Variants in DCC observed in about 807,000 individuals in gnomAD.
The protein encoded by DCC is netrin receptor DCC.
Under a neutral mutation model 172.5 loss-of-function variants are expected in DCC, and 58 were observed. That is an observed-to-expected ratio of 0.34 (90% CI 0.27 to 0.42). DCC has a LOEUF of 0.42. Among genes scored for constraint, DCC ranks in the 10% least tolerant of loss-of-function variants. The pLI is 1.00. For synonymous variants in DCC, 709 were observed against 644.5 expected (o/e 1.10, Z -1.52); for missense variants, 1,740 against 1,791.0 (o/e 0.97, Z 0.51).
chr18:52,479,066 A>G (rs1375706938), intron 1 of DCC, among the ~76,000 whole-genome samples: 3 of 152,312 alleles, frequency 2.0e-5, no homozygotes, highest in Admixed American at 2.0e-4. Flanking sequence ...TGGACAAGTT[A>G]GTTACATTTT....
In DCC at chr18:52,364,136, T is replaced by C. The variant is rs192989955; in HGVS notation, c.91+23258T>C. Among the ~76,000 whole-genome samples, 87 of 152,314 alleles carry C rather than the reference T, an allele frequency of 5.7e-4. 1 individual carries two copies. Among genetic ancestry groups the C allele is most frequent in the African/African-American group, 1.9e-3 (81 of 41,558 alleles). Reference sequence around the variant, plus strand: ...TCCACCACACTGATGCTTAAATATGTTTAATATTTAAATACCACACATTTT... The same window carrying C: ...TCCACCACACTGATGCTTAAATATGCTTAATATTTAAATACCACACATTTT... On this transcript the variant is annotated intron_variant, in intron 1 of 28. Coordinates refer to ENST00000442544, the MANE Select transcript of DCC (RefSeq NM_005215.4).
intron 7 of DCC, among the ~76,000 whole-genome samples, chr18:53,091,875 A>C (rs112866638): frequency 0.13 from 18,821 of 148,152 alleles, 1,354 homozygotes; most frequent in African/African-American, 0.17. Context: ...ATATATATAT[A>C]TCTACATAAA....
intron 15 of DCC, among the ~76,000 whole-genome samples, chr18:53,383,012 C>A (rs953139528): frequency 2.0e-5 from 3 of 152,024 alleles, no homozygotes; most frequent in African/African-American, 7.2e-5. Flanking sequence ...AAACCACATG[C>A]AACAAATGTG....
intron 2 of DCC, among the ~76,000 whole-genome samples, chr18:52,873,963 C>G (rs2039361609): frequency 2.0e-5 from 3 of 152,074 alleles, no homozygotes; most frequent in Admixed American, 2.0e-4. Context: ...AATTACTTTC[C>G]TTTTGTTCTC....
At chr18:52,890,724 G>A (rs1205837566) in intron 2 of DCC, among the ~76,000 whole-genome samples, 4 of 151,968 alleles carry the variant, frequency 2.6e-5, no homozygotes, top group African/African-American at 7.3e-5. Flanking sequence ...ATAAAATATC[G>A]ATATGTGTCT....
At chr18:52,358,841 C>A (rs566206414) in intron 1 of DCC, among the ~76,000 whole-genome samples, 21 of 152,306 alleles carry the variant, frequency 1.4e-4, no homozygotes, top group Non-Finnish European at 2.5e-4. Context: ...CCATCCTGCT[C>A]CTCTGGTAGA....
In DCC at chr18:53,498,424, T is replaced by G. The variant is rs186746280; in HGVS notation, c.3899-874T>G. 4.5e-3 allele frequency among the ~76,000 whole-genome samples: 691 copies of G among 152,312 alleles called. 11 individuals carry two copies. The highest frequency in any genetic ancestry group is 0.014 in the Middle Eastern group (4 of 294). Reference sequence around the variant, plus strand: ...ATTTTATTAATACTTAAACCTACTATGCAGCTCGTTTTGCTTGCAGTTTAA... The same window carrying G: ...ATTTTATTAATACTTAAACCTACTAGGCAGCTCGTTTTGCTTGCAGTTTAA... On this transcript the variant is annotated intron_variant, in intron 26 of 28. Transcript: ENST00000442544.
intron 18 of DCC, among the ~76,000 whole-genome samples, chr18:53,401,065 G>C (rs1909263697): frequency 1.3e-5 from 2 of 152,236 alleles, no homozygotes; most frequent in South Asian, 4.1e-4. Context: ...AAAATATCCT[G>C]AATGACCTCT....
chr18:52,514,252 G>T (rs199968350), intron 1 of DCC, among the ~76,000 whole-genome samples: 18 of 83,960 alleles, frequency 2.1e-4, no homozygotes, highest in African/African-American at 5.3e-4. Context: ...TATGTGTATA[G>T]AGAGAGAGAT....
At chr18:52,865,711 T>C (rs2039216487) in intron 2 of DCC, among the ~76,000 whole-genome samples, 1 of 152,080 alleles carries the variant, frequency 6.6e-6, no homozygotes, top group South Asian at 2.1e-4. Flanking sequence ...TTTTTTCTTG[T>C]AAATTTGTTT....
At chr18:52,400,420 C>T (rs1248062651) in intron 1 of DCC, among the ~76,000 whole-genome samples, 1 of 151,718 alleles carries the variant, frequency 6.6e-6, no homozygotes, top group Non-Finnish European at 1.5e-5. Flanking sequence ...GTTAGAATGG[C>T]GATTATTAAA....
At chr18:53,313,056 A>AGGGAAGAAGGAAGGGAG in intron 13 of DCC, among the ~76,000 whole-genome samples, 1 of 100,708 alleles carries the variant, frequency 9.9e-6, no homozygotes, top group Non-Finnish European at 2.3e-5. Flanking sequence ...AAGGGAGGGA[A>AGGGAAGAAGGAAGGGAG]GGAAAGGGTG....
intron 5 of DCC, among the ~76,000 whole-genome samples, chr18:52,959,199 AAG>A (rs1312851875): frequency 1.3e-5 from 2 of 152,264 alleles, no homozygotes; most frequent in Non-Finnish European, 1.5e-5. Context: ...GTGTGAATGA[AAG>A]AGAGTAAAAA....
intron 15 of DCC, among the ~76,000 whole-genome samples, chr18:53,350,045 A>C (rs181027492): frequency 1.4e-4 from 21 of 152,334 alleles, no homozygotes; most frequent in African/African-American, 5.0e-4. Context: ...AAAAAGTAAC[A>C]TAAAATACAT....
At chr18:53,128,858 CACACACACACACATATATATATAT>C (rs1428341469) in intron 7 of DCC, among the ~76,000 whole-genome samples, 1 of 75,486 alleles carries the variant, frequency 1.3e-5, no homozygotes, top group African/African-American at 5.1e-5. Context: ...CACACACACA[CACACACACACACATATATATATAT>C]ATATATATAT....
rs933913033 is a variant in DCC at position 53,085,520 on chromosome 18, C to T, written c.1261+19354C>T. ...TAAGCTCCCCAAATCACCTAGTCAC[C>T]GTCTTAAATTTTTACCTTAAAAATC... On this transcript the variant is annotated intron_variant, in intron 7 of 28. Transcript: ENST00000442544. Among the ~76,000 whole-genome samples, 4 of 151,916 alleles carry T rather than the reference C, an allele frequency of 2.6e-5. No individual in the cohort carries two copies. In the East Asian group the frequency reaches 5.8e-4, roughly 22 times the overall value.
Position 52,899,628 on chromosome 18 carries a change from T to A in DCC, c.413-6416T>A, listed in dbSNP as rs531306006. Among the ~76,000 whole-genome samples, 10 of 152,152 alleles carry A rather than the reference T, an allele frequency of 6.6e-5. No homozygotes were observed. The South Asian group carries it at 2.1e-3, about 32-fold the overall frequency. On this transcript the variant is annotated intron_variant, in intron 2 of 28. Transcript: ENST00000442544. ...CCTCAGCCTCACAAAGTGCTGGGAT[T>A]ACGGGCATGAGCCACCGTGCCCGGC...
At chr18:52,663,591 G>A (rs1375815729) in intron 1 of DCC, among the ~76,000 whole-genome samples, 1 of 152,034 alleles carries the variant, frequency 6.6e-6, no homozygotes, top group Non-Finnish European at 1.5e-5. Flanking sequence ...TTATAAGAAA[G>A]GATATGTCAT....
At chr18:52,969,352 A>T (rs1022862894) in intron 5 of DCC, among the ~76,000 whole-genome samples, 1 of 152,080 alleles carries the variant, frequency 6.6e-6, no homozygotes. Flanking sequence ...TGAATTCCTT[A>T]TATTAGCAAA....
Sources: allele counts gnomAD v4.1 joint callset (sites outside exome capture counted in the v4.1 genomes callset), GRCh38; gene constraint gnomAD v4.1.1; transcripts MANE v1.5; gene names NCBI Gene and HGNC (gene_info 2026-07-23, HGNC 2026-07-21).